Variants in HMCN1 observed in about 807,000 individuals in gnomAD.
HMCN1 encodes hemicentin 1, also known as hemicentin-1.
A neutral mutation model predicts 625.9 loss-of-function variants in HMCN1; 321 were observed. That is an observed-to-expected ratio of 0.51 (90% confidence interval 0.47 to 0.56). The LOEUF (loss-of-function observed/expected upper bound fraction) is 0.56, where lower values mean the gene tolerates loss of function less well. HMCN1 is among the 20% of genes least tolerant of loss of function. The pLI, the probability that HMCN1 is intolerant of heterozygous loss-of-function variation, is 0.00. For missense variants in HMCN1, 6,588 were observed against 6,887.3 expected (o/e 0.96, Z 1.54); for synonymous variants, 2,425 against 2,417.6 (o/e 1.00, Z -0.09).
intron 58 of HMCN1, among the ~76,000 whole-genome samples, 173 bp from the exon 59 acceptor site, chr1:186,087,044 A>C (rs1189668495): frequency 6.6e-6 from 1 of 152,122 alleles, no homozygotes; most frequent in Non-Finnish European, 1.5e-5. Flanking sequence ...CTAGGTGAAT[A>C]ATAAAGGAAA....
At chr1:186,024,255 A>C (rs1296368411) in intron 36 of HMCN1, among the ~76,000 whole-genome samples, 1 of 152,182 alleles carries the variant, frequency 6.6e-6, no homozygotes, top group Non-Finnish European at 1.5e-5. Flanking sequence ...GTTAGGGGAC[A>C]GGCTGACCCT....
At chr1:186,020,302 C>T (rs1458761740) in intron 35 of HMCN1, among the ~76,000 whole-genome samples, 1 of 151,846 alleles carries the variant, frequency 6.6e-6, no homozygotes, top group Non-Finnish European at 1.5e-5. Flanking sequence ...CTAAAGGATA[C>T]ATTTGAAATC....
At chr1:185,862,511 G>C (rs79966285) in intron 2 of HMCN1, among the ~76,000 whole-genome samples, 3 of 152,220 alleles carry the variant, frequency 2.0e-5, no homozygotes, top group African/African-American at 7.2e-5. Context: ...TGACACAGCA[G>C]AAAATATGAG....
rs747841681 is a variant in HMCN1, at chr1:186,128,069, T to A, written c.12691-9T>A. The A allele has an allele frequency of 1.3e-5, 21 of 1,611,820 alleles. No homozygotes were observed. The highest frequency in any genetic ancestry group is 1.1e-4 in the East Asian group (5 of 44,828). On this transcript the variant is annotated splice_polypyrimidine_tract_variant and intron_variant, in intron 82 of 106. Transcript: ENST00000271588. The stretch of plus-strand genomic sequence containing the variant: ...ATGAAATTTTAAATGTTACTTTTTT[T>A]AATTTTAGCTGGAGGATTCTGGCTT...
At chr1:186,123,386 CTGTGTTTCTG>C (rs1472493961) in intron 81 of HMCN1, among the ~76,000 whole-genome samples, 166 bp downstream of exon 81, 1 of 152,094 alleles carries the variant, frequency 6.6e-6, no homozygotes, top group Non-Finnish European at 1.5e-5. Flanking sequence ...TTTCTGTAGG[CTGTGTTTCTG>C]TGTGTTTGTG....
chr1:186,069,442 A>G (rs993114505), intron 50 of HMCN1, among the ~76,000 whole-genome samples: 2 of 152,198 alleles, frequency 1.3e-5, no homozygotes, highest in African/African-American at 2.4e-5. Context: ...AATGAGCATG[A>G]GAGTCATCAC....
At chr1:185,917,181 G>GT (rs968336255) in intron 6 of HMCN1, among the ~76,000 whole-genome samples, 16 of 151,900 alleles carry the variant, frequency 1.1e-4, no homozygotes, top group South Asian at 2.1e-4. Context: ...AAAAATTAGG[G>GT]TTTTTTTTGT....
intron 13 of HMCN1, among the ~76,000 whole-genome samples, chr1:185,965,174 C>T (rs568230253): frequency 3.3e-5 from 5 of 152,060 alleles, no homozygotes; most frequent in East Asian, 1.9e-4. Context: ...GTGAAGCAAA[C>T]GGAGTGAAGA....
chr1:185,909,426 A>T lies in HMCN1; in HGVS notation c.711A>T (p.Arg237Ser), dbSNP rs768091506. 1.9e-6 allele frequency: 3 copies of T among 1,613,418 alleles called. No homozygotes were observed. The African/African-American group carries it at 4.0e-5, about 22-fold the overall frequency. ...TGGAACAGGCTGTAAATACTTGGAG[A>T]ATTCCTTTTGATCCCAGCCTGAAAG... is the stretch of plus-strand genomic sequence containing the variant. ...DHLEQAVNTW[R>S]IPFDPSLKEV... Residue 237 changes from arginine (R) to serine (S), a missense_variant, in exon 5 of 107, where the codon AGA (arginine) becomes AGT (serine). Arg to Ser is a moderately radical substitution (Grantham distance 110). This residue lies in a region of HMCN1 where 4,628 missense variants were observed against 4,853.1 expected (regional missense o/e 0.95). Coordinates refer to ENST00000271588, the MANE Select transcript of HMCN1 (RefSeq NM_031935.3).
intron 35 of HMCN1, among the ~76,000 whole-genome samples, chr1:186,020,587 A>C (rs1654659418): frequency 6.6e-6 from 1 of 152,120 alleles, no homozygotes; most frequent in African/African-American, 2.4e-5. Flanking sequence ...CAAAAGTAGG[A>C]TTGCAAACCG....
Position 186,003,752 on chromosome 1 carries a change from T to A in HMCN1, c.4383T>A (p.Asn1461Lys). Residue 1461 changes from asparagine (N) to lysine (K), a missense_variant, in exon 29 of 107, where the codon AAT becomes AAA. By Grantham distance (94) the Asn-to-Lys change is moderately conservative. Around this residue, in one of 3 missense-constraint regions of HMCN1, gnomAD observed 4,628 missense variants for 4,853.1 expected, o/e 0.95. Transcript: ENST00000271588. ...PPTIIGTNFP[N>K]EVSVVLNRDV... ...CCATAATAGGTACCAACTTCCCAAA[T>A]GAAGTCTCAGTTGTCCTCAACCGTG... The A allele has an allele frequency of 2.5e-6, 4 of 1,613,236 alleles. No homozygotes were observed. Among genetic ancestry groups the A allele is most frequent in the Non-Finnish European group, 2.5e-6 (3 of 1,179,296 alleles).
Position 186,114,038 on chromosome 1 carries a change from G to T in HMCN1, c.11191G>T (p.Val3731Leu), listed in dbSNP as rs773110395. 1.5e-5 allele frequency: 25 copies of T among 1,613,992 alleles called. No individual in the cohort carries two copies. The highest frequency in any genetic ancestry group is 2.7e-5 in the African/African-American group (2 of 74,922). Reference protein sequence around the residue: ...SLVILLNKSTVLECIAEGVPT... With the variant: ...SLVILLNKSTLLECIAEGVPT... ...TGTAATTCTTTTAAATAAGTCAACT[G>T]TATTGGAATGCATCGCTGAAGGTGT... The change falls in exon 73 of 107, where the codon GTA (valine) becomes TTA (leucine). Residue 3731 changes from valine to leucine, a missense_variant. By Grantham distance (32) the Val-to-Leu change is conservative. Coordinates refer to ENST00000271588, the MANE Select transcript of HMCN1 (RefSeq NM_031935.3).
intron 1 of HMCN1, among the ~76,000 whole-genome samples, chr1:185,769,709 T>G (rs1161005646): frequency 6.6e-6 from 1 of 152,196 alleles, no homozygotes; most frequent in Admixed American, 6.5e-5. Context: ...TGAACTCAGC[T>G]GGGCAGTTCT....
intron 103 of HMCN1, among the ~76,000 whole-genome samples, chr1:186,175,538 A>G (rs1006362779): frequency 6.6e-6 from 1 of 152,238 alleles, no homozygotes; most frequent in Admixed American, 6.5e-5. Flanking sequence ...ACAGGAATAC[A>G]GATCATCATT....
intron 1 of HMCN1, among the ~76,000 whole-genome samples, chr1:185,753,177 T>G (rs891549651): frequency 7.9e-5 from 12 of 152,110 alleles, no homozygotes; most frequent in Admixed American, 6.5e-4. Context: ...TACAATAACT[T>G]CTTTAATCTA....
intron 97 of HMCN1, among the ~76,000 whole-genome samples, chr1:186,158,639 C>T (rs1651207523): frequency 6.6e-6 from 1 of 152,142 alleles, no homozygotes; most frequent in South Asian, 2.1e-4. Flanking sequence ...GATCCAGTTT[C>T]AGCTTTCTAC....
At chr1:185,860,044 T>A (rs1316187961) in intron 2 of HMCN1, among the ~76,000 whole-genome samples, 2 of 152,116 alleles carry the variant, frequency 1.3e-5, no homozygotes, top group Non-Finnish European at 2.9e-5. Context: ...GATAGAGAGC[T>A]TTTATAACAA....
chr1:185,858,537 G>T (rs1242714438), intron 2 of HMCN1, among the ~76,000 whole-genome samples: 1 of 128,218 alleles, frequency 7.8e-6, no homozygotes. Context: ...CTTCTGAGTA[G>T]CTGGGACCAC....
chr1:185,987,625 G>C (rs1043234803), intron 20 of HMCN1, 81 bp downstream of exon 20: 1 of 959,576 alleles, frequency 1.0e-6, no homozygotes, highest in African/African-American at 1.6e-5. Flanking sequence ...TTGAGCAGGA[G>C]GCTCAGGAGT....
Sources: allele counts gnomAD v4.1 joint callset (sites outside exome capture counted in the v4.1 genomes callset), GRCh38; gene constraint gnomAD v4.1.1; regional missense constraint gnomAD v4.1.1; transcripts MANE v1.5; gene names NCBI Gene and HGNC (gene_info 2026-07-23, HGNC 2026-07-21).